Variants in NCKAP5 observed in about 807,000 individuals in gnomAD.
The protein encoded by NCKAP5 is NCK associated protein 5.
NCKAP5 carries 92 observed loss-of-function variants against 167.0 expected under a neutral mutation model. The observed-to-expected ratio is 0.55, with a 90% CI of 0.47 to 0.66. The LOEUF (loss-of-function observed/expected upper bound fraction) is 0.66. Among genes scored for constraint, NCKAP5 ranks in the 30% least tolerant of loss-of-function variants. The pLI, the probability that NCKAP5 is intolerant of heterozygous loss-of-function variation, is 0.00. For synonymous variants in NCKAP5, 891 were observed against 877.4 expected (o/e 1.02, Z -0.27); for missense variants, 2,378 against 2,315.0 (o/e 1.03, Z -0.56).
At chr2:133,363,717 A>G (rs1220830150) in intron 3 of NCKAP5, among the ~76,000 whole-genome samples, 2 of 152,162 alleles carry the variant, frequency 1.3e-5, no homozygotes, top group East Asian at 3.8e-4. Flanking sequence ...AATCTCCGGT[A>G]CAAAGAAGAC....
chr2:133,145,673 T>C lies in NCKAP5; in HGVS notation c.208-15562A>G, dbSNP rs1004439802. Among the ~76,000 whole-genome samples the C allele has an allele frequency of 3.3e-5, 5 of 152,228 alleles. No individual in the cohort carries two copies. In the South Asian group the frequency reaches 8.3e-4, roughly 25 times the overall value. ...ACAACTTAACTCTCCATATTGTGCA[T>C]GTAGTTCATATTTTAAAGACTTCAA... On this transcript the variant is annotated intron_variant, in intron 5 of 19. Transcript: ENST00000409261.
chr2:133,159,175 C>T (rs548148779), intron 5 of NCKAP5, among the ~76,000 whole-genome samples: 1 of 151,980 alleles, frequency 6.6e-6, no homozygotes, highest in Non-Finnish European at 1.5e-5. Flanking sequence ...GGACTCAGTG[C>T]GCCCAGTGCT....
chr2:133,373,023 A>T (rs1685900203), intron 3 of NCKAP5, among the ~76,000 whole-genome samples: 1 of 152,194 alleles, frequency 6.6e-6, no homozygotes, highest in Admixed American at 6.5e-5. Context: ...GGAGGGAAAT[A>T]AAATATTTAG....
At chr2:132,925,776 C>T (rs1395984238) in intron 8 of NCKAP5, among the ~76,000 whole-genome samples, 3 of 152,046 alleles carry the variant, frequency 2.0e-5, no homozygotes, top group Non-Finnish European at 4.4e-5. Flanking sequence ...TAAAATTCAT[C>T]TTCAATAGTT....
At chr2:132,977,072 A>G (rs1377364426) in intron 7 of NCKAP5, among the ~76,000 whole-genome samples, 2 of 152,218 alleles carry the variant, frequency 1.3e-5, no homozygotes, top group African/African-American at 4.8e-5. Context: ...AAGTTCAGTA[A>G]GTAGATACTG....
chr2:133,607,009 C>G, the NCKAP5 span, among the ~76,000 whole-genome samples: 1 of 152,230 alleles, frequency 6.6e-6, no homozygotes, highest in Admixed American at 6.5e-5. Flanking sequence ...GCTGTGGGAG[C>G]TTGAGAATGA....
intron 1 of NCKAP5, among the ~76,000 whole-genome samples, chr2:133,565,396 A>T (rs543459510): frequency 3.2e-4 from 49 of 152,370 alleles, no homozygotes; most frequent in African/African-American, 1.0e-3. Context: ...AGCTACATTA[A>T]GATATCTAAT....
chr2:132,867,375 G>T (rs148895518), intron 10 of NCKAP5, among the ~76,000 whole-genome samples: 5 of 152,262 alleles, frequency 3.3e-5, no homozygotes, highest in African/African-American at 1.2e-4. Context: ...AAATGTTGAA[G>T]CAGCAATTAT....
At chr2:133,467,441 T>C (rs1164495749) in intron 3 of NCKAP5, among the ~76,000 whole-genome samples, 2 of 152,344 alleles carry the variant, frequency 1.3e-5, no homozygotes, top group Admixed American at 1.3e-4. Context: ...TTTGCATCAA[T>C]GTTCATCAGG....
At chr2:132,863,604 A>T (rs1320953087) in intron 10 of NCKAP5, among the ~76,000 whole-genome samples, 1 of 152,206 alleles carries the variant, frequency 6.6e-6, no homozygotes, top group Non-Finnish European at 1.5e-5. Flanking sequence ...CGACCCTGAG[A>T]ACTCTCTGTT....
intron 3 of NCKAP5, among the ~76,000 whole-genome samples, chr2:133,467,263 A>C (rs560717373): frequency 6.4e-4 from 96 of 150,780 alleles, no homozygotes; most frequent in African/African-American, 2.3e-3. Flanking sequence ...ATCTATTGAG[A>C]TAATCATGTG....
chr2:133,121,759 A>G (rs1472929369), intron 6 of NCKAP5, among the ~76,000 whole-genome samples: 2 of 152,100 alleles, frequency 1.3e-5, no homozygotes, highest in Non-Finnish European at 2.9e-5. Flanking sequence ...CAAAAGGTAA[A>G]CACTCTAAGA....
At chr2:133,083,349 C>T (rs2080875903) in intron 6 of NCKAP5, among the ~76,000 whole-genome samples, 4 of 152,096 alleles carry the variant, frequency 2.6e-5, no homozygotes, top group Non-Finnish European at 5.9e-5. Context: ...GCTTGCTCAG[C>T]AATGGCCTAT....
At chr2:132,756,842 A>C (rs1039702904) in intron 16 of NCKAP5, among the ~76,000 whole-genome samples, 1 of 152,180 alleles carries the variant, frequency 6.6e-6, no homozygotes, top group African/African-American at 2.4e-5. Context: ...GGTAGAACTC[A>C]GGCCTGAGTT....
At chr2:133,216,452 G>A (rs1278310931) in intron 4 of NCKAP5, among the ~76,000 whole-genome samples, 1 of 151,992 alleles carries the variant, frequency 6.6e-6, no homozygotes, top group Non-Finnish European at 1.5e-5. Context: ...GAGATGTAGA[G>A]TTTTATTTTA....
intron 3 of NCKAP5, among the ~76,000 whole-genome samples, chr2:133,484,872 G>C (rs941451002): frequency 2.0e-5 from 3 of 152,192 alleles, no homozygotes; most frequent in African/African-American, 7.2e-5. Context: ...TACTCGACCA[G>C]TATGACCATG....
intron 3 of NCKAP5, among the ~76,000 whole-genome samples, chr2:133,515,167 A>G (rs1420713966): frequency 6.6e-6 from 1 of 152,122 alleles, no homozygotes. Context: ...TTTCTTTCTG[A>G]TACTTGGAAT....
chr2:133,358,323 C>A (rs1035340099), intron 3 of NCKAP5, among the ~76,000 whole-genome samples: 6 of 152,124 alleles, frequency 3.9e-5, no homozygotes, highest in Non-Finnish European at 8.8e-5. Flanking sequence ...CACCCGTAAT[C>A]TCAGTGGGAG....
At chr2:132,839,870 T>A (rs1209545416) in intron 11 of NCKAP5, among the ~76,000 whole-genome samples, 1 of 152,178 alleles carries the variant, frequency 6.6e-6, no homozygotes, top group Non-Finnish European at 1.5e-5. Context: ...TTATACATTT[T>A]CTATACTGTA....
Sources: gnomAD v4.1 joint callset for allele counts (sites outside exome capture counted in the v4.1 genomes callset) on GRCh38, gnomAD v4.1.1 for gene constraint, MANE v1.5 for transcripts, NCBI Gene and HGNC (gene_info 2026-07-23, HGNC 2026-07-21) for gene names.